The following ITGA11 variants were observed in gnomAD, a reference collection of about 807,000 sequenced individuals.
The protein encoded by ITGA11 is integrin alpha-11.
A neutral mutation model predicts 141.9 loss-of-function variants in ITGA11; 97 were observed. That is an observed-to-expected ratio of 0.68 (90% CI 0.58 to 0.81). The LOEUF (loss-of-function observed/expected upper bound fraction) is 0.81. ITGA11 is among the 30% of genes least tolerant of loss of function. ITGA11 has a pLI of 0.00. For missense variants in ITGA11, 1,387 were observed against 1,559.2 expected (o/e 0.89, Z 1.86); for synonymous variants, 658 against 624.6 (o/e 1.05, Z -0.80).
At position 68,303,650 on chromosome 15, in the gene ITGA11, AGGGGT is replaced by A. The variant is rs1452567063; in HGVS notation, c.3495+117_3495+121del. 3.2e-6 allele frequency: 2 copies of A among 631,880 alleles called. No individual in the cohort carries two copies. Among genetic ancestry groups the A allele is most frequent in the African/African-American group, 3.7e-5 (2 of 53,948 alleles). 39.1% of individuals were successfully genotyped at this position (631,880 alleles called of 1,614,324 possible). On this transcript the variant is annotated intron_variant, in intron 29 of 29. Coordinates refer to ENST00000315757, the MANE Select transcript of ITGA11 (RefSeq NM_001004439.2). This position sits in a 1 kb window ranked among gnomAD's most constrained non-coding sequence, Gnocchi z 5.3. ...CCTAACCAGTGTGTCTGCTATGGCG[AGGGGT>A]GGGGTGCCAGCTCCCCTGGAGAGGA...
chr15:68,328,185 T>C lies in ITGA11; in HGVS notation c.1979A>G (p.Lys660Arg), dbSNP rs1221186931. 6.2e-7 allele frequency: 1 copy of C among 1,613,796 alleles called. No homozygotes were observed. The highest frequency in any genetic ancestry group is 2.2e-5 in the East Asian group (1 of 44,866). ...GCAGGTGGCATCCCTGCCACTGCGC[T>C]TGCAGTCTCTGTGGAAGATGTTGAT... ...SKINIFHRDCKRSGRDATCLA... is the reference protein window; with the variant it reads ...SKINIFHRDCRRSGRDATCLA... Residue 660 changes from lysine (K) to arginine (R), a missense_variant, in exon 16 of 30, where the codon AAG (lysine) becomes AGG (arginine). Transcript: ENST00000315757. This position sits in a 1 kb window ranked among gnomAD's most constrained non-coding sequence, Gnocchi z 4.8.
At chr15:68,422,720 A>G (rs569526681) in intron 1 of ITGA11, among the ~76,000 whole-genome samples, 3 of 152,274 alleles carry the variant, frequency 2.0e-5, no homozygotes, top group Non-Finnish European at 2.9e-5. Context: ...ACACTCCGGC[A>G]TCCTGCCCAC....
chr15:68,396,873 A>G (rs1187099125), intron 2 of ITGA11, among the ~76,000 whole-genome samples: 1 of 131,418 alleles, frequency 7.6e-6, no homozygotes, highest in Non-Finnish European at 1.6e-5. Context: ...AAATATATTT[A>G]TATTAAATAT....
At chr15:68,360,690 C>T (rs568608380) in intron 5 of ITGA11, among the ~76,000 whole-genome samples, 32 of 152,308 alleles carry the variant, frequency 2.1e-4, no homozygotes, top group Admixed American at 1.6e-3. Context: ...TGACATTCCC[C>T]GGTGGGCCCC....
intron 1 of ITGA11, among the ~76,000 whole-genome samples, chr15:68,407,950 C>T (rs939825919): frequency 1.1e-4 from 16 of 152,270 alleles, no homozygotes; most frequent in Non-Finnish European, 2.1e-4. Context: ...TTCGCTCCAG[C>T]TTAAGGAGCG....
intron 2 of ITGA11, among the ~76,000 whole-genome samples, chr15:68,395,979 TA>T (rs1896229111): frequency 6.6e-6 from 1 of 151,876 alleles, no homozygotes; most frequent in Non-Finnish European, 1.5e-5. Flanking sequence ...GAAGCAATAA[TA>T]CAGATCTTAT....
chr15:68,344,109 G>C lies in ITGA11; in HGVS notation c.1132-4465C>G, dbSNP rs1228935375. ...GCCTGAGGATATGGGGCCAGGCTTA[G>C]GAGGACCCGAATGAACCAGAAATGA... On this transcript the variant is annotated intron_variant, in intron 10 of 29. Coordinates refer to ENST00000315757, the MANE Select transcript of ITGA11 (RefSeq NM_001004439.2). Among the ~76,000 whole-genome samples the C allele has an allele frequency of 2.0e-5, 3 of 152,260 alleles. No individual in the cohort carries two copies. The East Asian group carries it at 5.8e-4, about 30-fold the overall frequency.
chr15:68,342,625 C>T (rs1894605565), intron 10 of ITGA11, among the ~76,000 whole-genome samples: 1 of 152,238 alleles, frequency 6.6e-6, no homozygotes, highest in Admixed American at 6.5e-5. Flanking sequence ...TCTCTCAAAG[C>T]CCTGTGTTCC....
At position 68,321,512 on chromosome 15, in the gene ITGA11, G is replaced by A; in HGVS notation, c.2323-9C>T. ...CCGTTCCAGAAGGGCACCTGGGCCAGGGAGAGCCAGGTGTGGGCAGCTGGG... is the reference window on the plus strand; with the variant it reads ...CCGTTCCAGAAGGGCACCTGGGCCAAGGAGAGCCAGGTGTGGGCAGCTGGG... On this transcript the variant is annotated splice_polypyrimidine_tract_variant and intron_variant, in intron 18 of 29. Coordinates refer to ENST00000315757, the MANE Select transcript of ITGA11 (RefSeq NM_001004439.2). This position sits in a 1 kb window ranked among gnomAD's most constrained non-coding sequence, Gnocchi z 4.9. 6.3e-7 allele frequency: 1 copy of A among 1,588,874 alleles called. No homozygotes were observed. The highest frequency in any genetic ancestry group is 8.6e-7 in the Non-Finnish European group (1 of 1,166,822).
At chr15:68,357,876 T>C (rs1308193684) in intron 6 of ITGA11, among the ~76,000 whole-genome samples, 1 of 152,218 alleles carries the variant, frequency 6.6e-6, no homozygotes, top group East Asian at 1.9e-4. Flanking sequence ...CCCTAAAAGA[T>C]GATCTTCTGG....
chr15:68,416,429 G>A (rs114491748), intron 1 of ITGA11, among the ~76,000 whole-genome samples: 198 of 152,254 alleles, frequency 1.3e-3, no homozygotes, highest in African/African-American at 4.5e-3. Flanking sequence ...TGAGAGCCTC[G>A]GCAGTCCTTT....
Position 68,319,179 on chromosome 15 carries a change from T to C in ITGA11, c.2616+1006A>G, listed in dbSNP as rs368265959. On this transcript the variant is annotated intron_variant, in intron 20 of 29. Coordinates refer to ENST00000315757, the MANE Select transcript of ITGA11 (RefSeq NM_001004439.2). ...ACATAGCGCAGGCTCAGGCGCCAGC[T>C]GTGGGGTGGGAATTCCGCTCTGCGG... Among the ~76,000 whole-genome samples the C allele has an allele frequency of 5.3e-5, 8 of 152,216 alleles. No homozygotes were observed. The East Asian group carries it at 7.7e-4, about 15-fold the overall frequency.
rs975176700 is a variant in ITGA11, at chr15:68,306,662, C to A, written c.3381+686G>T. On this transcript the variant is annotated intron_variant, in intron 28 of 29. Coordinates refer to ENST00000315757, the MANE Select transcript of ITGA11 (RefSeq NM_001004439.2). ...TGGATCCTGATACCCCTCTGCCTGG[C>A]ATCCCCCTGCCCTGGCTGTGATTGG... is the stretch of plus-strand genomic sequence containing the variant. Among the ~76,000 whole-genome samples the A allele has an allele frequency of 2.0e-5, 3 of 152,240 alleles. No homozygotes were observed. The East Asian group carries it at 5.8e-4, about 29-fold the overall frequency.
rs921929219 is a variant in ITGA11, at chr15:68,347,470, G to A, written c.1131+1360C>T. Reference sequence around the variant, plus strand: ...TGTAACAGGGCTGTTATTAGGATAGGGCAGCTATATTTACATCTTGCTGTT... The same window carrying A: ...TGTAACAGGGCTGTTATTAGGATAGAGCAGCTATATTTACATCTTGCTGTT... On this transcript the variant is annotated intron_variant, in intron 10 of 29. Coordinates refer to ENST00000315757, the MANE Select transcript of ITGA11 (RefSeq NM_001004439.2). 1.1e-4 allele frequency among the ~76,000 whole-genome samples: 17 copies of A among 152,186 alleles called. 1 individual carries two copies. Among genetic ancestry groups the A allele is most frequent in the African/African-American group, 3.6e-4 (15 of 41,452 alleles).
intron 22 of ITGA11, among the ~76,000 whole-genome samples, chr15:68,314,181 TCTGTCAGGCGGGCCAATCCTGCTGCCTG>T: frequency 6.6e-6 from 1 of 152,268 alleles, no homozygotes; most frequent in East Asian, 1.9e-4. Flanking sequence ...AGATGCCCCG[TCTGTCAGGCGGGCCAATCCTGCTGCCTG>T]CTGGACTCAG....
At chr15:68,369,498 C>G (rs1895523897) in intron 2 of ITGA11, among the ~76,000 whole-genome samples, 1 of 152,148 alleles carries the variant, frequency 6.6e-6, no homozygotes, top group Non-Finnish European at 1.5e-5. Context: ...GACCTGTGGC[C>G]CATTCTAGGC....
intron 5 of ITGA11, among the ~76,000 whole-genome samples, chr15:68,358,909 A>G (rs931953374): frequency 6.6e-6 from 1 of 152,222 alleles, no homozygotes; most frequent in African/African-American, 2.4e-5. Flanking sequence ...GTACCTTGGT[A>G]TTGTTTGTTT....
In ITGA11 at chr15:68,320,389, C is replaced by T; in HGVS notation, c.2412G>A (p.Glu804=). 6.3e-7 allele frequency: 1 copy of T among 1,584,052 alleles called. No individual in the cohort carries two copies. Among genetic ancestry groups the T allele is most frequent in the Admixed American group, 1.8e-5 (1 of 54,732 alleles). Reference sequence around the variant, plus strand: ...GCTTCCTCAGCACCCTCTGGCAGTACTCCCTGAGAACAAGAGACCACCAGA... The same window carrying T: ...GCTTCCTCAGCACCCTCTGGCAGTATTCCCTGAGAACAAGAGACCACCAGA... ...DARSDLPTAM[E]YCQRVLRKPA... The change falls in exon 20 of 30, where the codon GAG becomes GAA. Residue 804 remains glutamate (E), a synonymous_variant. Transcript: ENST00000315757.
chr15:68,309,413 A>AG (rs1220930593), intron 26 of ITGA11, among the ~76,000 whole-genome samples: 1 of 152,182 alleles, frequency 6.6e-6, no homozygotes, highest in Non-Finnish European at 1.5e-5. Flanking sequence ...CTCCTCTCAA[A>AG]GGGACTTCAA....
Sources: gnomAD v4.1 joint callset for allele counts (sites outside exome capture counted in the v4.1 genomes callset) on GRCh38, gnomAD v4.1.1 for gene constraint, Gnocchi (gnomAD v3.1) non-coding constraint, MANE v1.5 for transcripts, NCBI Gene and HGNC (gene_info 2026-07-23, HGNC 2026-07-21) for gene names.